KLHL23: variants seen among roughly 807,000 people sequenced by gnomAD.
The protein encoded by KLHL23 is kelch like family member 23, also known as kelch-like protein 23.
A neutral mutation model predicts 48.9 loss-of-function variants in KLHL23; 33 were observed. That is an observed-to-expected ratio of 0.67 (90% CI 0.51 to 0.90). The LOEUF is 0.90. Among genes scored for constraint, KLHL23 ranks in the 40% least tolerant of loss-of-function variants. The probability of loss-of-function intolerance (pLI) is 0.00; values close to 1 mark genes in which losing one functional copy is unlikely to be tolerated. For synonymous variants in KLHL23, 234 were observed against 231.6 expected (o/e 1.01, Z -0.09); for missense variants, 608 against 669.6 (o/e 0.91, Z 1.02).
chr2:169,742,839 G>T (rs778912692), intron 3 of KLHL23, among the ~76,000 whole-genome samples: 4 of 152,220 alleles, frequency 2.6e-5, no homozygotes, highest in Non-Finnish European at 5.9e-5. Flanking sequence ...GAAAGGAATA[G>T]TAACAACTCA....
rs1688508195 is a variant in KLHL23 at position 169,736,124 on chromosome 2, T to A, written c.1110T>A (p.Cys370Ter). The change falls in exon 2 of 4, where the codon TGT becomes TGA. Residue 370 changes from cysteine to a stop codon, truncating the protein, a stop_gained. Coordinates refer to ENST00000392647, the MANE Select transcript of KLHL23 (RefSeq NM_144711.6). LOFTEE classifies it high-confidence loss of function. ...YYHCAVTLGG[C>*]VYALGGYRKG... ...ACTGTGCAGTCACCTTGGGTGGCTG[T>A]GTCTATGCTTTAGGTGGTTACAGAA... 1.9e-6 allele frequency: 3 copies of A among 1,614,152 alleles called. 1 individual carries two copies. In the East Asian group the frequency reaches 6.7e-5, roughly 36 times the overall value.
chr2:169,743,414 G>T (rs1037937692), intron 3 of KLHL23, among the ~76,000 whole-genome samples: 1 of 151,976 alleles, frequency 6.6e-6, no homozygotes, highest in Non-Finnish European at 1.5e-5. Context: ...ATAAATCAAT[G>T]GTAACATAAT....
Position 169,735,044 on chromosome 2 carries a change from T to G in KLHL23, c.30T>G (p.Ile10Met). MALKGQEDY[I>M]YLFKDSTHPV... ...CTCTAAAAGGACAAGAAGATTATAT[T>G]TATCTTTTCAAGGATTCAACACATC... Residue 10 changes from isoleucine (I) to methionine (M), a missense_variant, in exon 2 of 4, where the codon ATT becomes ATG. Ile to Met is a conservative substitution (Grantham distance 10). Around this residue, in one of 3 missense-constraint regions of KLHL23, gnomAD observed 419 missense variants for 473.1 expected, o/e 0.89. Transcript: ENST00000392647. The surrounding 1 kb of genome is among the most constrained non-coding windows in gnomAD (Gnocchi z 4.5). The G allele has an allele frequency of 6.4e-7, 1 of 1,572,740 alleles. No individual in the cohort carries two copies.
chr2:169,737,053 G>A (rs1351583355), intron 2 of KLHL23, among the ~76,000 whole-genome samples: 1 of 152,198 alleles, frequency 6.6e-6, no homozygotes, highest in African/African-American at 2.4e-5. Context: ...CAGGCACGCT[G>A]CCTCTGAAGC....
rs780433855 is a variant in KLHL23 at position 169,735,940 on chromosome 2, C to T, written c.926C>T (p.Thr309Ile). Residue 309 changes from threonine to isoleucine, a missense_variant, in exon 2 of 4, where the codon ACC (threonine) becomes ATC (isoleucine). This residue lies in a region of KLHL23 where 419 missense variants were observed against 473.1 expected (regional missense o/e 0.89). Transcript: ENST00000392647. The surrounding 1 kb of genome is among the most constrained non-coding windows in gnomAD (Gnocchi z 4.5). The part of the protein sequence containing the change: ...WIQGAEIPDY[T>I]RESYGVTCLG... ...CAGGGAGCAGAAATACCAGATTATACCAGGGAGAGCTATGGTGTTACATGT... is the reference window on the plus strand; with the variant it reads ...CAGGGAGCAGAAATACCAGATTATATCAGGGAGAGCTATGGTGTTACATGT... 28 of 1,614,104 alleles carry T rather than the reference C, an allele frequency of 1.7e-5. No homozygotes were observed. The highest frequency in any genetic ancestry group is 1.9e-5 in the Non-Finnish European group (22 of 1,180,028).
rs759423225 is a variant in KLHL23, at chr2:169,749,429, A to T, written c.1374A>T (p.Gly458=). Residue 458 remains glycine (G), a synonymous_variant, in exon 4 of 4, where the codon GGA becomes GGT. Coordinates refer to ENST00000392647, the MANE Select transcript of KLHL23 (RefSeq NM_144711.6). Reference sequence around the variant, plus strand: ...TTTTTTTCTTTTTAAAAGAATATGGATTGTGCTCAGTTCCGTTTGAAAATA... The same window carrying T: ...TTTTTTTCTTTTTAAAAGAATATGGTTTGTGCTCAGTTCCGTTTGAAAATA... The part of the protein sequence containing the change: ...LITSSPHPEY[G]LCSVPFENKL... 6.2e-7 allele frequency: 1 copy of T among 1,604,412 alleles called. No individual in the cohort carries two copies.
intron 3 of KLHL23, among the ~76,000 whole-genome samples, chr2:169,747,065 C>T (rs1332347712): frequency 6.6e-6 from 1 of 152,054 alleles, no homozygotes; most frequent in Admixed American, 6.6e-5. Context: ...AAAATGCAAT[C>T]TTCTAAGACT....
Position 169,749,746 on chromosome 2 carries a change from A to T in KLHL23, c.*14A>T, listed in dbSNP as rs1458923676. 1.3e-6 allele frequency: 2 copies of T among 1,575,170 alleles called. No homozygotes were observed. The highest frequency in any genetic ancestry group is 1.8e-5 in the Admixed American group (1 of 56,132). On this transcript the variant is annotated 3_prime_UTR_variant, in exon 4 of 4. Transcript: ENST00000392647. ...TATAATGTCTAATTGAATCTGCAGA[A>T]ATGACCAAGCAATCACTTTTTTGGA...
At chr2:169,740,863 C>G (rs1173689942) in intron 2 of KLHL23, 1 of 150,126 alleles carries the variant, frequency 6.7e-6, no homozygotes, top group African/African-American at 2.5e-5. Flanking sequence ...TACACATTAG[C>G]TGAGGCCTAT....
chr2:169,743,450 A>G (rs1203368194), intron 3 of KLHL23, among the ~76,000 whole-genome samples: 1 of 152,200 alleles, frequency 6.6e-6, no homozygotes, highest in Non-Finnish European at 1.5e-5. Context: ...GTTTTGATTT[A>G]CATTGAACTT....
intron 3 of KLHL23, among the ~76,000 whole-genome samples, chr2:169,742,761 C>CTA: frequency 1.3e-5 from 2 of 152,310 alleles, no homozygotes; most frequent in Middle Eastern, 3.4e-3. Context: ...ACTTCTCCCT[C>CTA]CTAGTAGCCC....
chr2:169,740,347 T>C (rs1230331016), intron 2 of KLHL23, among the ~76,000 whole-genome samples: 1 of 152,090 alleles, frequency 6.6e-6, no homozygotes, highest in Non-Finnish European at 1.5e-5. Context: ...CCTCCTGGGC[T>C]CAAGTGATCC....
chr2:169,750,849 C>T lies in KLHL23; in HGVS notation c.*1117C>T, dbSNP rs1416862014. The T allele has an allele frequency of 1.3e-5, 2 of 152,138 alleles. No homozygotes were observed. The highest frequency in any genetic ancestry group is 2.1e-4 in the South Asian group (1 of 4,826). The allele number at this position is 152,138 out of a possible 1,614,324, so 9.4% of individuals were successfully genotyped here. ...CTTTAGTTCAAGCATGTTAGGAAAT[C>T]CTCTTTATTCTTAAATATAGATACA... On this transcript the variant is annotated 3_prime_UTR_variant, in exon 4 of 4. Transcript: ENST00000392647.
At position 169,735,779 on chromosome 2, in the gene KLHL23, A is replaced by G. The variant is rs757761182; in HGVS notation, c.765A>G (p.Leu255=). The part of the protein sequence containing the change: ...CLLTENKIRS[L]IYNALNPMHK... ...TCACCGAAAATAAGATCCGCTCCCT[A>G]ATATACAATGCCTTGAATCCCATGC... is the stretch of plus-strand genomic sequence containing the variant. The change falls in exon 2 of 4, where the codon CTA becomes CTG. Residue 255 remains leucine, a synonymous_variant. Transcript: ENST00000392647. This position sits in a 1 kb window ranked among gnomAD's most constrained non-coding sequence, Gnocchi z 4.5. 1.1e-5 allele frequency: 18 copies of G among 1,613,954 alleles called. No homozygotes were observed. Among genetic ancestry groups the G allele is most frequent in the South Asian group, 3.3e-5 (3 of 91,078 alleles).
chr2:169,742,330 G>A (rs1285712092), intron 3 of KLHL23, among the ~76,000 whole-genome samples: 1 of 152,196 alleles, frequency 6.6e-6, no homozygotes. Flanking sequence ...ACTTACCATA[G>A]ATCAGGCACT....
At chr2:169,736,728 T>C (rs193252562) in intron 2 of KLHL23, among the ~76,000 whole-genome samples, 1 of 152,358 alleles carries the variant, frequency 6.6e-6, no homozygotes, top group Admixed American at 6.5e-5. Context: ...GGTCTCGGTA[T>C]CTGTCTGATA....
At chr2:169,741,756 T>C (rs1688680559) in intron 3 of KLHL23, among the ~76,000 whole-genome samples, 1 of 152,208 alleles carries the variant, frequency 6.6e-6, no homozygotes, top group Non-Finnish European at 1.5e-5. Flanking sequence ...GATGTCTTTA[T>C]ACAATGCACA....
At chr2:169,740,769 T>A (rs200895467) in intron 2 of KLHL23, among the ~76,000 whole-genome samples, 1 of 86,964 alleles carries the variant, frequency 1.1e-5, no homozygotes, top group Non-Finnish European at 2.3e-5. Context: ...TTTTATATTA[T>A]ATATATATAT....
At chr2:169,746,647 A>G (rs1233085322) in intron 3 of KLHL23, among the ~76,000 whole-genome samples, 6 of 152,256 alleles carry the variant, frequency 3.9e-5, no homozygotes, top group Non-Finnish European at 8.8e-5. Context: ...AAAAGTTCCT[A>G]TCCACAACAA....
Sources: allele counts gnomAD v4.1 joint callset (sites outside exome capture counted in the v4.1 genomes callset), GRCh38; gene constraint gnomAD v4.1.1; regional missense constraint gnomAD v4.1.1; non-coding constraint Gnocchi (gnomAD v3.1); transcripts MANE v1.5; gene names NCBI Gene and HGNC (gene_info 2026-07-23, HGNC 2026-07-21).